The following NEO1 variants were observed in gnomAD, a reference collection of about 807,000 sequenced individuals.
NEO1 encodes the protein neogenin.
NEO1 carries 63 observed loss-of-function variants against 159.7 expected under a neutral mutation model. The ratio of observed to expected loss-of-function variants is 0.39; its 90% confidence interval spans 0.32 to 0.49. The LOEUF (loss-of-function observed/expected upper bound fraction) is 0.49. Ranked by LOEUF, NEO1 falls within the 20% of genes least tolerant of loss-of-function variation. The probability of loss-of-function intolerance (pLI) is 0.85; values close to 1 mark genes in which losing one functional copy is unlikely to be tolerated. For synonymous variants in NEO1, 633 were observed against 662.0 expected, an observed-to-expected ratio of 0.96 and a Z score of 0.67; for missense variants, 1,615 against 1,831.0, an observed-to-expected ratio of 0.88 and a Z score of 2.15.
chr15:73,251,806 T>C (rs1473434321), intron 11 of NEO1, among the ~76,000 whole-genome samples: 1 of 152,156 alleles, frequency 6.6e-6, no homozygotes, highest in African/African-American at 2.4e-5. Context: ...GAAACAAATA[T>C]CTTGGACAAG....
At chr15:73,197,336 G>C (rs2036583479) in intron 7 of NEO1, among the ~76,000 whole-genome samples, 1 of 152,130 alleles carries the variant, frequency 6.6e-6, no homozygotes, top group Non-Finnish European at 1.5e-5. Flanking sequence ...TCCAGCCTGG[G>C]TGACAGAGCG....
chr15:73,137,141 C>A (rs910889505), intron 5 of NEO1, among the ~76,000 whole-genome samples: 4 of 152,016 alleles, frequency 2.6e-5, no homozygotes, highest in African/African-American at 9.7e-5. Flanking sequence ...TGGTTGGTAC[C>A]CTTGATGCAC....
chr15:73,278,476 G>T (rs985299873), intron 22 of NEO1, among the ~76,000 whole-genome samples: 1 of 152,092 alleles, frequency 6.6e-6, no homozygotes, highest in African/African-American at 2.4e-5. Flanking sequence ...TTAGAGTTTC[G>T]CTTTCAAAAA....
chr15:73,258,711 CT>C, intron 13 of NEO1, 54 bp from the exon 14 acceptor site: 1 of 1,439,164 alleles, frequency 6.9e-7, no homozygotes, highest in Admixed American at 1.7e-5. Context: ...GATTATTAAT[CT>C]TTTGTTTTTC....
At position 73,270,468 on chromosome 15, in the gene NEO1, G is replaced by C; in HGVS notation, c.2857+14G>C. The C allele has an allele frequency of 1.3e-6, 2 of 1,598,868 alleles. No homozygotes were observed. The highest frequency in any genetic ancestry group is 1.7e-6 in the Non-Finnish European group (2 of 1,173,730). ...CCTTTGAATTAGGTATGTGTTGTCA[G>C]AAGCCATGTCACATGGCTGCTTTTA... On this transcript the variant is annotated intron_variant, in intron 18 of 28. Coordinates refer to ENST00000261908, the MANE Select transcript of NEO1 (RefSeq NM_002499.4).
chr15:73,260,482 G>A lies in NEO1; in HGVS notation c.2398+17G>A, dbSNP rs1173040125. ...AAAATCTGGGTATGTTTGCTAAGTAGAGAAAGTTAATTGTGTGGGAGATTC... is the reference window on the plus strand; with the variant it reads ...AAAATCTGGGTATGTTTGCTAAGTAAAGAAAGTTAATTGTGTGGGAGATTC... On this transcript the variant is annotated intron_variant, in intron 15 of 28. Coordinates refer to ENST00000261908, the MANE Select transcript of NEO1 (RefSeq NM_002499.4). The A allele has an allele frequency of 1.3e-6, 2 of 1,543,882 alleles. No homozygotes were observed. Among genetic ancestry groups the A allele is most frequent in the Non-Finnish European group, 1.8e-6 (2 of 1,132,686 alleles).
intron 3 of NEO1, among the ~76,000 whole-genome samples, chr15:73,125,350 A>G (rs2030055208): frequency 6.6e-6 from 1 of 152,198 alleles, no homozygotes; most frequent in Non-Finnish European, 1.5e-5. Flanking sequence ...GTCAGCCTTA[A>G]AAGTCAGTGA....
intron 22 of NEO1, among the ~76,000 whole-genome samples, chr15:73,278,445 C>A (rs2041520185): frequency 6.6e-6 from 1 of 152,186 alleles, no homozygotes; most frequent in Admixed American, 6.5e-5. Context: ...CATCCTGTTG[C>A]CTACTGCCTC....
intron 7 of NEO1, among the ~76,000 whole-genome samples, chr15:73,216,245 C>G (rs1245227120): frequency 1.3e-5 from 2 of 152,172 alleles, no homozygotes; most frequent in Non-Finnish European, 2.9e-5. Context: ...ATCCGTGTCC[C>G]TACAAAAGAC....
intron 13 of NEO1, chr15:73,255,701 T>A (rs966245350): frequency 1.3e-5 from 2 of 152,306 alleles, no homozygotes; most frequent in African/African-American, 4.8e-5. Flanking sequence ...CAAGACTCTG[T>A]CCTGCTCAGT....
rs144532077 is a variant in NEO1, at chr15:73,064,778, T to C, written c.130+11973T>C. ...CACTACACTTGGCCCTGTAGTCATA[T>C]ATTTATGTTATGTTTGTAGCACGTG... is the stretch of plus-strand genomic sequence containing the variant. On this transcript the variant is annotated intron_variant, in intron 1 of 28. Coordinates refer to ENST00000261908, the MANE Select transcript of NEO1 (RefSeq NM_002499.4). 2.3e-3 allele frequency among the ~76,000 whole-genome samples: 355 copies of C among 152,338 alleles called. 1 individual carries two copies. Among genetic ancestry groups the C allele is most frequent in the African/African-American group, 8.2e-3 (339 of 41,572 alleles).
At chr15:73,103,280 C>A (rs2070498918) in intron 1 of NEO1, among the ~76,000 whole-genome samples, 2 of 152,154 alleles carry the variant, frequency 1.3e-5, no homozygotes, top group African/African-American at 2.4e-5. Context: ...CTTCAAGACC[C>A]TTACCAACTC....
chr15:73,150,866 C>G (rs2033312455), intron 5 of NEO1, among the ~76,000 whole-genome samples: 1 of 152,142 alleles, frequency 6.6e-6, no homozygotes, highest in Admixed American at 6.5e-5. Context: ...TTTTGTCTGT[C>G]CTAAAGCTTC....
chr15:73,093,933 T>TTTTTG lies in NEO1; in HGVS notation c.131-22592_131-22588dup, dbSNP rs374042207. ...CATTGACATACCTCCATCATTGTGC[T>TTTTTG]TTTTGTTTTGTTTTGTTTTTAGCAC... On this transcript the variant is annotated intron_variant, in intron 1 of 28. Coordinates refer to ENST00000261908, the MANE Select transcript of NEO1 (RefSeq NM_002499.4). 7.4e-3 allele frequency among the ~76,000 whole-genome samples: 1,123 copies of TTTTTG among 152,250 alleles called. 14 individuals are homozygous for TTTTTG. The highest frequency in any genetic ancestry group is 0.026 in the African/African-American group (1,092 of 41,526).
chr15:73,279,023 G>A (rs1302544911), intron 22 of NEO1, among the ~76,000 whole-genome samples: 1 of 152,130 alleles, frequency 6.6e-6, no homozygotes. Flanking sequence ...TGAGAGAAAC[G>A]CCTGTCCCCT....
chr15:73,290,224 A>ATTTTTT (rs34114271), intron 25 of NEO1, among the ~76,000 whole-genome samples: 3 of 82,252 alleles, frequency 3.6e-5, no homozygotes, highest in Admixed American at 2.1e-4. Flanking sequence ...ACTGTGTGGA[A>ATTTTTT]TTTTTTTTTT....
At chr15:73,168,639 G>A (rs1478800276) in intron 5 of NEO1, among the ~76,000 whole-genome samples, 2 of 152,140 alleles carry the variant, frequency 1.3e-5, no homozygotes, top group Non-Finnish European at 2.9e-5. Context: ...TGGAAACATT[G>A]TTATAATATT....
At position 73,114,464 on chromosome 15, in the gene NEO1, T is replaced by C. The variant is rs569500572; in HGVS notation, c.131-2076T>C. Among the ~76,000 whole-genome samples, 7 of 152,338 alleles carry C rather than the reference T, an allele frequency of 4.6e-5. No homozygotes were observed. The South Asian group carries it at 1.0e-3, about 23-fold the overall frequency. On this transcript the variant is annotated intron_variant, in intron 1 of 28. Transcript: ENST00000261908. ...TATACAGAAATATTTAAGTAACTTTTTGTAAAAATTTTGAAGTGCCTTGAT... is the reference window on the plus strand; with the variant it reads ...TATACAGAAATATTTAAGTAACTTTCTGTAAAAATTTTGAAGTGCCTTGAT...
In NEO1 at chr15:73,140,596, A is replaced by G. The variant is rs187768271; in HGVS notation, c.1015+4569A>G. Among the ~76,000 whole-genome samples the G allele has an allele frequency of 2.1e-3, 321 of 152,280 alleles. 2 individuals are homozygous for G. The highest frequency in any genetic ancestry group is 7.3e-3 in the African/African-American group (305 of 41,566). On this transcript the variant is annotated intron_variant, in intron 5 of 28. Transcript: ENST00000261908. ...AAAAAACTGTACACAGAAATACCCT[A>G]TGATATAGTAGTTGTATTCCTAGGA...
Sources: allele counts gnomAD v4.1 joint callset (sites outside exome capture counted in the v4.1 genomes callset), GRCh38; gene constraint gnomAD v4.1.1; transcripts MANE v1.5; gene names NCBI Gene and HGNC (gene_info 2026-07-23, HGNC 2026-07-21).